BCLAF3: variants seen among roughly 807,000 people sequenced by gnomAD.
BCLAF3 encodes the protein BCLAF1 and THRAP3 family member 3, also known as transient octamer binding factor 1.
BCLAF3 carries 24 observed loss-of-function variants against 51.2 expected under a neutral mutation model. That is an observed-to-expected ratio of 0.47 (90% CI 0.34 to 0.66). The LOEUF (loss-of-function observed/expected upper bound fraction) is 0.66, where lower values mean the gene tolerates loss of function less well. BCLAF3 is among the 30% of genes least tolerant of loss of function. The pLI is 0.01. For synonymous variants in BCLAF3, 152 were observed against 176.6 expected, an observed-to-expected ratio of 0.86 and a Z score of 1.10; for missense variants, 465 against 525.1, an observed-to-expected ratio of 0.89 and a Z score of 1.12.
chrX:19,955,983 A>G (rs1337304916), intron 4 of BCLAF3, among the ~76,000 whole-genome samples: 2 of 112,402 alleles, frequency 1.8e-5, no homozygotes, highest in Non-Finnish European at 3.8e-5. Context: ...GATATCAAAC[A>G]TAAGAACCTC....
At chrX:19,928,054 A>C (rs754040731) in intron 11 of BCLAF3, among the ~76,000 whole-genome samples, 1 of 93,124 alleles carries the variant, frequency 1.1e-5, no homozygotes, top group South Asian at 5.3e-4. Context: ...TATTTTTAAA[A>C]AACTTTTTTG....
At chrX:19,951,459 G>C (rs1180528120) in intron 7 of BCLAF3, among the ~76,000 whole-genome samples, 2 of 107,397 alleles carry the variant, frequency 1.9e-5, no homozygotes, top group Non-Finnish European at 3.8e-5. Flanking sequence ...AGCCGGGCAT[G>C]GTGATGGGCG....
intron 2 of BCLAF3, among the ~76,000 whole-genome samples, chrX:19,967,543 T>C (rs1405920622): frequency 1.4e-4 from 16 of 111,699 alleles, no homozygotes; most frequent in Non-Finnish European, 2.8e-4. Flanking sequence ...GGCTTCTGTA[T>C]CCAGGGAAAC....
intron 4 of BCLAF3, among the ~76,000 whole-genome samples, chrX:19,960,648 G>A (rs2071820095): frequency 9.0e-6 from 1 of 111,689 alleles, no homozygotes; most frequent in Non-Finnish European, 1.9e-5. Flanking sequence ...TTTGCCTCCA[G>A]CGGAACAGTG....
chrX:19,980,831 C>T (rs947095489), intron 1 of BCLAF3, among the ~76,000 whole-genome samples: 7 of 108,191 alleles, frequency 6.5e-5, no homozygotes, highest in African/African-American at 2.0e-4. Context: ...CCCAGGTACT[C>T]GGGAGGCTGA....
intron 1 of BCLAF3, among the ~76,000 whole-genome samples, chrX:19,981,594 G>A (rs1026802298): frequency 2.9e-4 from 32 of 111,837 alleles, no homozygotes; most frequent in Middle Eastern, 4.2e-3. Context: ...ATACCCAGGA[G>A]AAATGAAAAC....
intron 1 of BCLAF3, among the ~76,000 whole-genome samples, chrX:19,987,800 G>A (rs1302481574): frequency 3.6e-5 from 4 of 112,042 alleles, no homozygotes; most frequent in African/African-American, 6.5e-5. Flanking sequence ...TGTTGTACAC[G>A]TACTATGTCA....
At chrX:19,970,562 TTTC>T (rs1305864498) in intron 1 of BCLAF3, among the ~76,000 whole-genome samples, 1 of 111,763 alleles carries the variant, frequency 8.9e-6, no homozygotes, top group African/African-American at 3.3e-5. Flanking sequence ...GTCACATCTG[TTTC>T]TTCTTTTTTT....
At chrX:19,947,681 T>C (rs765498910) in intron 8 of BCLAF3, among the ~76,000 whole-genome samples, 16 of 111,977 alleles carry the variant, frequency 1.4e-4, no homozygotes, top group Non-Finnish European at 2.8e-4. Flanking sequence ...CAAATCTAAA[T>C]GTATTACAAG....
intron 10 of BCLAF3, among the ~76,000 whole-genome samples, chrX:19,934,486 A>G (rs2070682639): frequency 8.9e-6 from 1 of 112,309 alleles, no homozygotes; most frequent in African/African-American, 3.2e-5. Flanking sequence ...AATTATTTTT[A>G]AAAACTTCGT....
Position 19,966,587 on chromosome X carries a change from TAATGCCCGTGTG to T in BCLAF3, c.92_103del (p.Ser31_His34del). The T allele has an allele frequency of 8.3e-7, 1 of 1,211,264 alleles. No homozygotes were observed. Among genetic ancestry groups the T allele is most frequent in the Non-Finnish European group, 1.1e-6 (1 of 895,432 alleles). On this transcript the variant is annotated inframe_deletion, in exon 3 of 12. Transcript: ENST00000379682. ...TGGATCCTTCCTATATTCACAGCCA[TAATGCCCGTGTG>T]AATGTCTTTGCTTGTAGTGTTCAGC...
chrX:19,966,232 T>C lies in BCLAF3; in HGVS notation c.459A>G (p.Lys153=), dbSNP rs2072051543. 8.3e-7 allele frequency: 1 copy of C among 1,211,229 alleles called. No individual in the cohort carries two copies. The highest frequency in any genetic ancestry group is 3.0e-5 in the East Asian group (1 of 33,811). The change falls in exon 3 of 12, where the codon AAA becomes AAG. Residue 153 remains lysine (K), a synonymous_variant. Coordinates refer to ENST00000379682, the MANE Select transcript of BCLAF3 (RefSeq NM_001367774.2). ...HRVRGSGKGG[K]PPQRSIADSF... is the part of the protein sequence containing the mutation. ...AATCTGCTATTGACCTCTGAGGTGG[T>C]TTCCCTCCTTTTCCACTTCCTCTAA...
chrX:19,944,830 A>C (rs1454228692), intron 8 of BCLAF3, among the ~76,000 whole-genome samples: 1 of 89,205 alleles, frequency 1.1e-5, no homozygotes, highest in Non-Finnish European at 2.1e-5. Context: ...CTGCCTTGCT[A>C]GATTGGGGAA....
At chrX:19,955,869 T>C (rs2071643531) in intron 4 of BCLAF3, among the ~76,000 whole-genome samples, 1 of 111,785 alleles carries the variant, frequency 8.9e-6, no homozygotes, top group Non-Finnish European at 1.9e-5. Context: ...ACACTTACTA[T>C]GCAAAAAGTA....
chrX:19,937,880 C>A (rs1035212934), intron 8 of BCLAF3, among the ~76,000 whole-genome samples: 14 of 111,913 alleles, frequency 1.3e-4, no homozygotes, highest in African/African-American at 4.6e-4. Flanking sequence ...GCTCTAGAAC[C>A]TTTGGCAGCA....
chrX:19,965,077 TTAACTG>T lies in BCLAF3; in HGVS notation c.1235_1240del (p.Thr412_Val413del). 7 of 1,182,656 alleles carry T rather than the reference TTAACTG, an allele frequency of 5.9e-6. No homozygotes were observed. Among genetic ancestry groups the T allele is most frequent in the Non-Finnish European group, 6.8e-6 (6 of 885,573 alleles). ...ATCTACTGTTTTCTTCACATCTACT[TTAACTG>T]TAAGTGATTTCTTCCTAAGATTGAT... On this transcript the variant is annotated inframe_deletion, in exon 4 of 12. Transcript: ENST00000379682.
chrX:19,966,699 G>T, intron 2 of BCLAF3, 50 bp from the exon 3 acceptor site: 1 of 1,060,213 alleles, frequency 9.4e-7, no homozygotes, highest in Non-Finnish European at 1.3e-6. Context: ...AACTAAGCGT[G>T]TCTCAATATG....
intron 7 of BCLAF3, among the ~76,000 whole-genome samples, chrX:19,952,165 G>A (rs929097033): frequency 1.8e-5 from 2 of 111,846 alleles, no homozygotes; most frequent in African/African-American, 6.5e-5. Flanking sequence ...TTTCCTGTAA[G>A]TTGAGTATAG....
intron 11 of BCLAF3, 103 bp downstream of exon 11, chrX:19,929,682 T>C (rs1324406114): frequency 4.9e-6 from 4 of 816,030 alleles, no homozygotes; most frequent in Middle Eastern, 8.6e-4. Context: ...AAACCCAGGT[T>C]GTTTCTTAAA....
Sources: allele counts gnomAD v4.1 joint callset (sites outside exome capture counted in the v4.1 genomes callset), GRCh38; gene constraint gnomAD v4.1.1; transcripts MANE v1.5; gene names NCBI Gene and HGNC (gene_info 2026-07-23, HGNC 2026-07-21).